ITIH1: variants seen among roughly 807,000 people sequenced by gnomAD.
ITIH1 encodes inter-alpha-trypsin inhibitor heavy chain 1.
A neutral mutation model predicts 104.6 loss-of-function variants in ITIH1; 94 were observed. That is an observed-to-expected ratio of 0.90 (90% confidence interval 0.76 to 1.07). The LOEUF is 1.07. Ranked by LOEUF, ITIH1 falls within the 50% of genes least tolerant of loss-of-function variation. The probability of loss-of-function intolerance (pLI) is 0.00; values close to 1 mark genes in which losing one functional copy is unlikely to be tolerated. For missense variants in ITIH1, 1,193 were observed against 1,181.4 expected (o/e 1.01, Z -0.14); for synonymous variants, 455 against 464.4 (o/e 0.98, Z 0.26).
Position 52,777,745 on chromosome 3 carries a change from G to T in ITIH1, c.117+13G>T. ...CAAGAGCAGCGAGGTATATGGCTAAGCCCACAGGGCAGAAATAGGCAGCTG... is the reference window on the plus strand; with the variant it reads ...CAAGAGCAGCGAGGTATATGGCTAATCCCACAGGGCAGAAATAGGCAGCTG... On this transcript the variant is annotated intron_variant, in intron 1 of 21. Transcript: ENST00000273283. 1 of 1,562,798 alleles carries T rather than the reference G, an allele frequency of 6.4e-7. No homozygotes were observed. The highest frequency in any genetic ancestry group is 8.7e-7 in the Non-Finnish European group (1 of 1,152,560).
intron 20 of ITIH1, among the ~76,000 whole-genome samples, chr3:52,791,155 C>A (rs557601240): frequency 7.2e-5 from 11 of 152,224 alleles, no homozygotes; most frequent in African/African-American, 2.6e-4. Context: ...GAGGTCTGAT[C>A]GCAAAAAGAA....
In ITIH1 at chr3:52,780,320, G is replaced by T. The variant is rs140332978; in HGVS notation, c.625G>T (p.Ala209Ser). The change falls in exon 6 of 22, where the codon GCC (alanine) becomes TCC (serine). Residue 209 changes from alanine to serine, a missense_variant. Coordinates refer to ENST00000273283, the MANE Select transcript of ITIH1 (RefSeq NM_002215.4). Reference sequence around the variant, plus strand: ...GGGGATCAGCAAGCTGGATGCCCAGGCCTCTTTCCTGCCGAAGGAACTGGC... The same window carrying T: ...GGGGATCAGCAAGCTGGATGCCCAGTCCTCTTTCCTGCCGAAGGAACTGGC... ...PQGISKLDAQ[A>S]SFLPKELAAQ... 3.1e-6 allele frequency: 5 copies of T among 1,614,038 alleles called. No individual in the cohort carries two copies. Among genetic ancestry groups the T allele is most frequent in the Admixed American group, 1.7e-5 (1 of 59,998 alleles).
intron 13 of ITIH1, 128 bp from the exon 14 acceptor site, chr3:52,786,817 T>C (rs530889804): frequency 1.8e-6 from 2 of 1,106,464 alleles, no homozygotes; most frequent in Non-Finnish European, 2.6e-6. Context: ...TAGGACACCA[T>C]GGGGGCTTAA....
In ITIH1 at chr3:52,788,065, C is replaced by T. The variant is rs781432704; in HGVS notation, c.2004C>T (p.Gly668=). Residue 668 remains glycine (G), a splice_region_variant and synonymous_variant, in exon 17 of 22, where the codon GGC becomes GGT. Transcript: ENST00000273283. ...AGCGGCTGCCAGACCGAGTGACCGG[C>T]GGTGAGTCCTTGGAAGGGTCTGAGG... ...NTQRLPDRVT[G]VDTDPHFIIH... 30 of 1,601,556 alleles carry T rather than the reference C, an allele frequency of 1.9e-5. No individual in the cohort carries two copies. The highest frequency in any genetic ancestry group is 1.3e-4 in the African/African-American group (10 of 74,810).
chr3:52,790,837 A>G lies in ITIH1; in HGVS notation c.2410A>G (p.Lys804Glu), dbSNP rs780768230. ...TFEVVLHRVW[K>E]GSSVHQDFLG... ...TGAGGTTGTTTTGCACCGAGTGTGG[A>G]AGGGGAGCTCGGTCCACCAGGACTT... is the stretch of plus-strand genomic sequence containing the variant. Residue 804 changes from lysine to glutamate, a missense_variant, in exon 20 of 22, where the codon AAG (lysine) becomes GAG (glutamate). Physicochemically the swap from Lys to Glu is moderately conservative, Grantham distance 56. Coordinates refer to ENST00000273283, the MANE Select transcript of ITIH1 (RefSeq NM_002215.4). The G allele has an allele frequency of 9.9e-6, 16 of 1,612,926 alleles. No individual in the cohort carries two copies. In the East Asian group the frequency reaches 3.1e-4, roughly 32 times the overall value.
At position 52,792,001 on chromosome 3, in the gene ITIH1, G is replaced by A; in HGVS notation, c.*90G>A. The A allele has an allele frequency of 1.4e-6, 2 of 1,407,432 alleles. No homozygotes were observed. Among genetic ancestry groups the A allele is most frequent in the Non-Finnish European group, 9.7e-7 (1 of 1,032,286 alleles). The allele number at this position is 1,407,432 out of a possible 1,614,324, so 87.2% of individuals were successfully genotyped here. ...CCTGCTGCTGAGGCTGTACCTCCTT[G>A]ACTAAGCTGGTTCCTTGTGTCAAAG... is the stretch of plus-strand genomic sequence containing the variant. On this transcript the variant is annotated 3_prime_UTR_variant, in exon 22 of 22. Transcript: ENST00000273283.
chr3:52,790,520 T>C (rs753270236), intron 19 of ITIH1: 3 of 498,980 alleles, frequency 6.0e-6, no homozygotes, highest in East Asian at 3.8e-5. Flanking sequence ...GGAGTGAGGA[T>C]TGAATGATGC....
Position 52,782,987 on chromosome 3 carries a change from G to C in ITIH1, c.961G>C (p.Asp321His). The change falls in exon 9 of 22, where the codon GAC becomes CAC. Residue 321 changes from aspartate to histidine, a missense_variant. Asp to His is a moderately conservative substitution (Grantham distance 81, BLOSUM62 -1). Transcript: ENST00000273283. ...TKEALLKILG[D>H]MQPGDYFDLV... ...GGAGGCACTCCTTAAAATTCTGGGG[G>C]ACATGCAGCCAGGGGACTACTTTGA... is the stretch of plus-strand genomic sequence containing the variant. The C allele has an allele frequency of 1.9e-6, 3 of 1,614,078 alleles. No homozygotes were observed. The highest frequency in any genetic ancestry group is 2.5e-6 in the Non-Finnish European group (3 of 1,179,998).
Position 52,779,507 on chromosome 3 carries a change from G to A in ITIH1, c.486G>A (p.Leu162=), listed in dbSNP as rs1012541673. 10 of 1,614,224 alleles carry A rather than the reference G, an allele frequency of 6.2e-6. 1 individual carries two copies. Among genetic ancestry groups the A allele is most frequent in the Admixed American group, 1.7e-5 (1 of 60,032 alleles). Reference sequence around the variant, plus strand: ...CCCAGAGCAAGGTCACGTTTCAGCTGACTTATGAGGAAGTGCTGAAGAGAA... The same window carrying A: ...CCCAGAGCAAGGTCACGTTTCAGCTAACTTATGAGGAAGTGCTGAAGAGAA... ...VNPQSKVTFQ[L]TYEEVLKRNH... The change falls in exon 5 of 22, where the codon CTG becomes CTA. Residue 162 remains leucine (L), a synonymous_variant. Coordinates refer to ENST00000273283, the MANE Select transcript of ITIH1 (RefSeq NM_002215.4). The surrounding 1 kb of genome is among the most constrained non-coding windows in gnomAD (Gnocchi z 4.4).
intron 11 of ITIH1, 53 bp downstream of exon 11, chr3:52,784,530 C>T (rs1362707191): frequency 6.4e-7 from 1 of 1,556,696 alleles, no homozygotes. Context: ...GGGAGCCCTG[C>T]CTTGGTGGCC....
At position 52,791,904 on chromosome 3, in the gene ITIH1, T is replaced by A. The variant is rs758516513; in HGVS notation, c.2729T>A (p.Ile910Asn). Reference sequence around the variant, plus strand: ...TACACTGATTATATCGTCCCCGACATCTTCTGAGCCCTCTGGCCAGCACGC... The same window carrying A: ...TACACTGATTATATCGTCCCCGACAACTTCTGAGCCCTCTGGCCAGCACGC... ...GAYTDYIVPD[I>N]F The change falls in exon 22 of 22, where the codon ATC becomes AAC. Residue 910 changes from isoleucine (I) to asparagine (N), a missense_variant. Coordinates refer to ENST00000273283, the MANE Select transcript of ITIH1 (RefSeq NM_002215.4). The A allele has an allele frequency of 6.2e-7, 1 of 1,612,240 alleles. No individual in the cohort carries two copies.
rs755310035 is a variant in ITIH1 at position 52,787,069 on chromosome 3, C to CA, written c.1858_1859insA (p.Leu620HisfsTer73). The CA allele has an allele frequency of 1.2e-6, 2 of 1,614,178 alleles. No homozygotes were observed. Among genetic ancestry groups the CA allele is most frequent in the Admixed American group, 3.3e-5 (2 of 60,030 alleles). On this transcript the variant is annotated frameshift_variant, in exon 14 of 22. Transcript: ENST00000273283. LOFTEE classifies it high-confidence loss of function. ...CAGGGGCATGGCGGACCAGGACGGC[C>CA]TGAAGCCCACCATCGACAAGCCCTC...
At position 52,783,165 on chromosome 3, in the gene ITIH1, G is replaced by C. The variant is rs765626705; in HGVS notation, c.1099+40G>C. On this transcript the variant is annotated intron_variant, in intron 9 of 21. Coordinates refer to ENST00000273283, the MANE Select transcript of ITIH1 (RefSeq NM_002215.4). ...CTCAGGCAACCTTGATGTCACCTCT[G>C]TCCCCTCAGAATGAGGGCATACACT... 3.1e-6 allele frequency: 5 copies of C among 1,614,024 alleles called. No individual in the cohort carries two copies. The South Asian group carries it at 5.5e-5, about 18-fold the overall frequency.
chr3:52,787,839 A>C lies in ITIH1; in HGVS notation c.1925-147A>C, dbSNP rs553059061. 27 of 945,996 alleles carry C rather than the reference A, an allele frequency of 2.9e-5. No individual in the cohort carries two copies. The African/African-American group carries it at 3.0e-4, about 11-fold the overall frequency. The allele number at this position is 945,996 out of a possible 1,614,324, so 58.6% of individuals were successfully genotyped here. ...CTTCTGTCCCCGTGTCCCGGGAGCC[A>C]ATCAAGGGCATGTGATGTTGAGTGG... On this transcript the variant is annotated intron_variant, in intron 16 of 21. Coordinates refer to ENST00000273283, the MANE Select transcript of ITIH1 (RefSeq NM_002215.4).
intron 1 of ITIH1, 59 bp downstream of exon 1, chr3:52,777,791 C>A: frequency 2.0e-6 from 3 of 1,473,984 alleles, no homozygotes; most frequent in Non-Finnish European, 2.8e-6. Context: ...AGGCCCCGGG[C>A]GGGACACAAG....
rs1250888440 is a variant in ITIH1, at chr3:52,791,879, T to C, written c.2704T>C (p.Tyr902His). The C allele has an allele frequency of 1.2e-6, 2 of 1,613,986 alleles. No individual in the cohort carries two copies. Among genetic ancestry groups the C allele is most frequent in the East Asian group, 4.5e-5 (2 of 44,876 alleles). Reference sequence around the variant, plus strand: ...TGGGGCTGGACTCATCGATGGTGCCTACACTGATTATATCGTCCCCGACAT... The same window carrying C: ...TGGGGCTGGACTCATCGATGGTGCCCACACTGATTATATCGTCCCCGACAT... The part of the protein sequence containing the change: ...NNGAGLIDGA[Y>H]TDYIVPDIF The change falls in exon 22 of 22, where the codon TAC becomes CAC. Residue 902 changes from tyrosine to histidine, a missense_variant. Transcript: ENST00000273283.
chr3:52,778,860 A>G, intron 3 of ITIH1, 82 bp from the exon 4 acceptor site: 2 of 1,162,886 alleles, frequency 1.7e-6, no homozygotes, highest in South Asian at 1.2e-5. Flanking sequence ...TCCTTATCCA[A>G]GGGCTCACAT....
intron 10 of ITIH1, 63 bp from the exon 11 acceptor site, chr3:52,784,233 C>T (rs1205302941): frequency 8.4e-6 from 12 of 1,426,314 alleles, no homozygotes; most frequent in Non-Finnish European, 1.1e-5. Context: ...TCCCCAGAGC[C>T]CCCTCGTGCC....
chr3:52,778,434 C>T lies in ITIH1; in HGVS notation c.233C>T (p.Thr78Ile), dbSNP rs1397047031. The change falls in exon 3 of 22, where the codon ACT (threonine) becomes ATT (isoleucine). Residue 78 changes from threonine to isoleucine, a missense_variant. Thr to Ile is a moderately conservative substitution (Grantham distance 89). Coordinates refer to ENST00000273283, the MANE Select transcript of ITIH1 (RefSeq NM_002215.4). ...GTTGTCACCAGCCAAGTGGTCAACA[C>T]TGCCAATGAAGCCAGGGAAGTGGCC... ...HYVVTSQVVN[T>I]ANEAREVAFD... 6.2e-7 allele frequency: 1 copy of T among 1,614,134 alleles called. No homozygotes were observed. Among genetic ancestry groups the T allele is most frequent in the Non-Finnish European group, 8.5e-7 (1 of 1,180,052 alleles).
Sources: gnomAD v4.1 joint callset for allele counts (sites outside exome capture counted in the v4.1 genomes callset) on GRCh38, gnomAD v4.1.1 for gene constraint, Gnocchi (gnomAD v3.1) non-coding constraint, MANE v1.5 for transcripts, NCBI Gene and HGNC (gene_info 2026-07-23, HGNC 2026-07-21) for gene names.